EPB41L3: variants seen among roughly 807,000 people sequenced by gnomAD.
The protein encoded by EPB41L3 is band 4.1-like protein 3.
EPB41L3 carries 57 observed loss-of-function variants against 127.1 expected under a neutral mutation model. The observed-to-expected ratio is 0.45, with a 90% CI of 0.36 to 0.56. The LOEUF (loss-of-function observed/expected upper bound fraction) is 0.56, where lower values mean the gene tolerates loss of function less well. Among genes scored for constraint, EPB41L3 ranks in the 20% least tolerant of loss-of-function variants. The pLI is 0.00. For missense variants in EPB41L3, 1,273 were observed against 1,372.2 expected (o/e 0.93, Z 1.14); for synonymous variants, 572 against 549.5 (o/e 1.04, Z -0.57).
At chr18:5,464,803 T>C (rs1329496114) in intron 3 of EPB41L3, among the ~76,000 whole-genome samples, 4 of 152,148 alleles carry the variant, frequency 2.6e-5, no homozygotes, top group African/African-American at 9.7e-5. Flanking sequence ...TCAGAAGACA[T>C]AGCAGAACTA....
At chr18:5,553,593 T>A (rs1405413424) in intron 3 of EPB41L3, among the ~76,000 whole-genome samples, 1 of 152,200 alleles carries the variant, frequency 6.6e-6, no homozygotes, top group Non-Finnish European at 1.5e-5. Context: ...AGTCTACAAG[T>A]TAAGAGTTTG....
chr18:5,471,933 A>C (rs2086218944), intron 3 of EPB41L3, among the ~76,000 whole-genome samples: 3 of 152,184 alleles, frequency 2.0e-5, no homozygotes, highest in Admixed American at 6.5e-5. Context: ...TCTCACATAG[A>C]GCATCGACCA....
intron 3 of EPB41L3, among the ~76,000 whole-genome samples, chr18:5,467,249 A>G (rs541684266): frequency 2.6e-5 from 4 of 152,190 alleles, no homozygotes; most frequent in Admixed American, 6.5e-5. Context: ...CTCAAAATGC[A>G]TTGCTTCGAA....
At chr18:5,587,991 G>T (rs1421122832) in intron 3 of EPB41L3, among the ~76,000 whole-genome samples, 1 of 152,114 alleles carries the variant, frequency 6.6e-6, no homozygotes, top group Non-Finnish European at 1.5e-5. Context: ...TCACGCAAAA[G>T]AACGCTAACA....
At position 5,395,134 on chromosome 18, in the gene EPB41L3, C is replaced by G; in HGVS notation, c.3086G>C (p.Gly1029Ala). The change falls in exon 21 of 23, where the codon GGC becomes GCC. Residue 1029 changes from glycine (G) to alanine (A), a missense_variant. This residue lies in a region of EPB41L3 where 765 missense variants were observed against 782.9 expected (regional missense o/e 0.98). Coordinates refer to ENST00000341928, the MANE Select transcript of EPB41L3 (RefSeq NM_012307.5). Reference protein sequence around the residue: ...TTHITKTVKGGISETRIEKRI... With the variant: ...TTHITKTVKGAISETRIEKRI... ...CTTCTCAATTCTTGTCTCTGAAATG[C>G]CCCCTTTCACAGTCTGCAAGACACG... is the stretch of plus-strand genomic sequence containing the variant. 6.2e-7 allele frequency: 1 copy of G among 1,613,988 alleles called. No homozygotes were observed. Among genetic ancestry groups the G allele is most frequent in the Non-Finnish European group, 8.5e-7 (1 of 1,179,882 alleles).
intron 3 of EPB41L3, among the ~76,000 whole-genome samples, chr18:5,603,591 A>C (rs1477818755): frequency 6.6e-6 from 1 of 152,144 alleles, no homozygotes; most frequent in East Asian, 1.9e-4. Flanking sequence ...AGGAGCTATA[A>C]AATTTGAAGA....
At chr18:5,452,634 T>C (rs2082433808) in intron 3 of EPB41L3, among the ~76,000 whole-genome samples, 1 of 152,018 alleles carries the variant, frequency 6.6e-6, no homozygotes, top group African/African-American at 2.4e-5. Context: ...AAATAAAAGT[T>C]CTCAGGAAAT....
At chr18:5,473,407 A>G (rs2086536608) in intron 3 of EPB41L3, among the ~76,000 whole-genome samples, 1 of 152,048 alleles carries the variant, frequency 6.6e-6, no homozygotes, top group African/African-American at 2.4e-5. Flanking sequence ...ACTGCACCAC[A>G]CAATGGCTTA....
intron 1 of EPB41L3, among the ~76,000 whole-genome samples, chr18:5,522,297 T>C (rs2093026167): frequency 6.6e-6 from 1 of 151,942 alleles, no homozygotes; most frequent in Non-Finnish European, 1.5e-5. Flanking sequence ...GTTTGTTTTG[T>C]ATTTTTAGTA....
At chr18:5,612,559 C>T (rs1297959433) in intron 2 of EPB41L3, 1 of 152,344 alleles carries the variant, frequency 6.6e-6, no homozygotes, top group East Asian at 1.9e-4. Context: ...GGTGAATGTT[C>T]ATCTCACTGC....
intron 3 of EPB41L3, among the ~76,000 whole-genome samples, chr18:5,452,599 A>G (rs1408942364): frequency 6.6e-6 from 1 of 152,174 alleles, no homozygotes; most frequent in Non-Finnish European, 1.5e-5. Flanking sequence ...ATCTGAAGAC[A>G]TTCATTCCAA....
At position 5,443,824 on chromosome 18, in the gene EPB41L3, C is replaced by A; in HGVS notation, c.529+14G>T. ...CCTTCACATTTCCACAAAAAATAAT[C>A]CAAAAGAACTTACTTCGAACCTGTT... On this transcript the variant is annotated intron_variant, in intron 5 of 22. Coordinates refer to ENST00000341928, the MANE Select transcript of EPB41L3 (RefSeq NM_012307.5). 1 of 1,607,290 alleles carries A rather than the reference C, an allele frequency of 6.2e-7. No homozygotes were observed. Among genetic ancestry groups the A allele is most frequent in the South Asian group, 1.1e-5 (1 of 90,018 alleles).
chr18:5,501,866 G>A (rs560874799), intron 1 of EPB41L3, among the ~76,000 whole-genome samples: 66 of 152,226 alleles, frequency 4.3e-4, no homozygotes, highest in African/African-American at 1.6e-3. Flanking sequence ...CAAATGAGTC[G>A]CCTGAAAGCA....
rs374341476 is a variant in EPB41L3, at chr18:5,543,782, C to T, written c.-12+131G>A. 1 of 738,658 alleles carries T rather than the reference C, an allele frequency of 1.4e-6. No individual in the cohort carries two copies. Among genetic ancestry groups the T allele is most frequent in the Non-Finnish European group, 1.7e-6 (1 of 605,362 alleles). The allele number at this position is 738,658 out of a possible 1,614,324, so 45.8% of individuals were successfully genotyped here. On this transcript the variant is annotated intron_variant, in intron 1 of 22. Coordinates refer to ENST00000341928, the MANE Select transcript of EPB41L3 (RefSeq NM_012307.5). This position sits in a 1 kb window ranked among gnomAD's most constrained non-coding sequence, Gnocchi z 5.2. ...GCGCGGGGCTCGGGATTCGGGAGAC[C>T]GCGCGGCGCCGAAGCCACGCGTCAG...
chr18:5,413,273 G>T (rs1212202767), intron 13 of EPB41L3, among the ~76,000 whole-genome samples: 2 of 152,060 alleles, frequency 1.3e-5, no homozygotes, highest in African/African-American at 2.4e-5. Context: ...GGTTTGGGGA[G>T]GTAAGTTCAT....
intron 3 of EPB41L3, among the ~76,000 whole-genome samples, chr18:5,600,648 A>G (rs559839874): frequency 6.6e-6 from 1 of 152,326 alleles, no homozygotes; most frequent in Non-Finnish European, 1.5e-5. Context: ...AATTACAATC[A>G]AAACCAAAAA....
intron 1 of EPB41L3, among the ~76,000 whole-genome samples, chr18:5,508,720 T>G (rs549905984): frequency 3.1e-5 from 4 of 128,688 alleles, no homozygotes; most frequent in Non-Finnish European, 4.6e-5. Context: ...TGAGCCGAGA[T>G]AGCACCACTG....
chr18:5,403,193 C>A (rs941213805), intron 16 of EPB41L3, among the ~76,000 whole-genome samples: 3 of 152,128 alleles, frequency 2.0e-5, no homozygotes, highest in African/African-American at 7.2e-5. Flanking sequence ...CACATGTCTA[C>A]CCTTCCTATG....
intron 14 of EPB41L3, among the ~76,000 whole-genome samples, chr18:5,410,008 A>G (rs1335180038): frequency 6.6e-6 from 1 of 152,186 alleles, no homozygotes; most frequent in Non-Finnish European, 1.5e-5. Flanking sequence ...ACTAACAGTA[A>G]TTTAAAAATT....
Sources: gnomAD v4.1 joint callset for allele counts (sites outside exome capture counted in the v4.1 genomes callset) on GRCh38, gnomAD v4.1.1 for gene constraint, gnomAD v4.1.1 regional missense constraint, Gnocchi (gnomAD v3.1) non-coding constraint, MANE v1.5 for transcripts, NCBI Gene and HGNC (gene_info 2026-07-23, HGNC 2026-07-21) for gene names.